Variants in SNX1 observed in about 807,000 individuals in gnomAD.
The protein encoded by SNX1 is sorting nexin 1.
In SNX1, 36 loss-of-function variants were observed where a neutral mutation model predicts 71.8. That is an observed-to-expected ratio of 0.50 (90% CI 0.38 to 0.66). The LOEUF is 0.66. Ranked by LOEUF, SNX1 falls within the 30% of genes least tolerant of loss-of-function variation. SNX1 has a pLI of 0.00. For synonymous variants in SNX1, 254 were observed against 240.7 expected (o/e 1.06, Z -0.51); for missense variants, 612 against 646.7 (o/e 0.95, Z 0.58).
chr15:64,136,126 C>G (rs538387360), intron 12 of SNX1, among the ~76,000 whole-genome samples: 6 of 152,372 alleles, frequency 3.9e-5, no homozygotes, highest in African/African-American at 1.4e-4. Context: ...ACACAGGCAT[C>G]TCTTTTCCAG....
At chr15:64,127,707 A>T in intron 7 of SNX1, 24 bp from the exon 8 acceptor site, 1 of 1,593,192 alleles carries the variant, frequency 6.3e-7, no homozygotes, top group Non-Finnish European at 8.6e-7. Flanking sequence ...TCAACTAACC[A>T]GATGATAACT....
At chr15:64,130,370 A>G (rs1252813221) in intron 10 of SNX1, 49 bp downstream of exon 10, 2 of 1,452,116 alleles carry the variant, frequency 1.4e-6, no homozygotes, top group South Asian at 1.1e-5. Flanking sequence ...TGTTGTCTCT[A>G]GTGAACTGGA....
At chr15:64,096,848 A>G (rs529270634) in intron 1 of SNX1, among the ~76,000 whole-genome samples, 2 of 152,350 alleles carry the variant, frequency 1.3e-5, no homozygotes, top group African/African-American at 4.8e-5. Context: ...TGATGAGGAA[A>G]TGGTGTTTCC....
intron 1 of SNX1, among the ~76,000 whole-genome samples, chr15:64,110,234 A>G (rs2081065274): frequency 1.3e-5 from 2 of 152,356 alleles, no homozygotes; most frequent in South Asian, 4.1e-4. Context: ...AAAAAAGATT[A>G]GGATAGTAAG....
chr15:64,125,071 C>G (rs571067602), intron 5 of SNX1, among the ~76,000 whole-genome samples: 1 of 152,286 alleles, frequency 6.6e-6, no homozygotes, highest in African/African-American at 2.4e-5. Flanking sequence ...ACATTTCATC[C>G]AATTCCCACC....
At chr15:64,097,709 C>T (rs948622759) in intron 1 of SNX1, among the ~76,000 whole-genome samples, 14 of 152,208 alleles carry the variant, frequency 9.2e-5, no homozygotes, top group Admixed American at 9.2e-4. Context: ...ACTCATACCA[C>T]TTGGTATAGG....
rs2081289892 is a variant in SNX1 at position 64,129,948 on chromosome 15, T to C, written c.840T>C (p.Ser280=). The change falls in exon 9 of 15, where the codon AGT becomes AGC. Residue 280 remains serine (S), a synonymous_variant. Coordinates refer to ENST00000559844, the MANE Select transcript of SNX1 (RefSeq NM_003099.5). This position sits in a 1 kb window ranked among gnomAD's most constrained non-coding sequence, Gnocchi z 4.4. The stretch of plus-strand genomic sequence containing the variant: ...GTGCCGTGGGTACCCAGACATTGAG[T>C]GGTGCTGGTCTCCTCAAGATGTTCA... The part of the protein sequence containing the change: ...LPRAVGTQTL[S]GAGLLKMFNK... 1.2e-6 allele frequency: 2 copies of C among 1,613,912 alleles called. No individual in the cohort carries two copies. The highest frequency in any genetic ancestry group is 1.7e-6 in the Non-Finnish European group (2 of 1,180,020).
At chr15:64,133,456 G>A (rs575295617) in intron 11 of SNX1, among the ~76,000 whole-genome samples, 8 of 152,356 alleles carry the variant, frequency 5.3e-5, no homozygotes, top group South Asian at 4.1e-4. Flanking sequence ...AGGTTGGGGC[G>A]TGGTGGCTCA....
At chr15:64,108,027 A>G (rs923308250) in intron 1 of SNX1, among the ~76,000 whole-genome samples, 3 of 152,000 alleles carry the variant, frequency 2.0e-5, no homozygotes, top group African/African-American at 7.2e-5. Flanking sequence ...CCCTGTCTCT[A>G]CTAAAAATAC....
At chr15:64,113,434 T>C (rs1378976117) in intron 2 of SNX1, among the ~76,000 whole-genome samples, 2 of 152,144 alleles carry the variant, frequency 1.3e-5, no homozygotes, top group African/African-American at 4.8e-5. Flanking sequence ...CCATGGATGC[T>C]GCTAAACACT....
chr15:64,114,957 G>A (rs929730377), intron 2 of SNX1, among the ~76,000 whole-genome samples: 3 of 152,180 alleles, frequency 2.0e-5, no homozygotes, highest in East Asian at 1.9e-4. Context: ...CCTGGGCAAC[G>A]TAGCAAAACC....
intron 11 of SNX1, among the ~76,000 whole-genome samples, chr15:64,133,706 G>A (rs1467960252): frequency 3.9e-5 from 6 of 152,242 alleles, no homozygotes; most frequent in African/African-American, 1.4e-4. Context: ...TTGCACTCCA[G>A]CCTGAGTGAC....
Position 64,127,726 on chromosome 15 carries a change from T to G in SNX1, c.732-5T>G. ...CTAACCAGATGATAACTGCTTACCT[T>G]TTAGGTACCTTCAGAGGATTGTAAA... On this transcript the variant is annotated splice_polypyrimidine_tract_variant and splice_region_variant and intron_variant, in intron 7 of 14. Transcript: ENST00000559844. The G allele has an allele frequency of 6.2e-7, 1 of 1,612,382 alleles. No homozygotes were observed. The highest frequency in any genetic ancestry group is 1.1e-5 in the South Asian group (1 of 91,042).
At chr15:64,130,067 C>A in intron 9 of SNX1, 38 bp downstream of exon 9, 1 of 1,538,256 alleles carries the variant, frequency 6.5e-7, no homozygotes, top group South Asian at 1.1e-5. Context: ...ACCTACACCT[C>A]AGGCTTATGG....
At chr15:64,126,594 T>G (rs1024579810) in intron 6 of SNX1, among the ~76,000 whole-genome samples, 6 of 152,106 alleles carry the variant, frequency 3.9e-5, no homozygotes, top group Non-Finnish European at 8.8e-5. Context: ...TGTTTGTTTG[T>G]TTTTGAGGTG....
rs1332473886 is a variant in SNX1 at position 64,096,089 on chromosome 15, G to A, written c.76G>A (p.Glu26Lys). 1 of 1,571,712 alleles carries A rather than the reference G, an allele frequency of 6.4e-7. No individual in the cohort carries two copies. Among genetic ancestry groups the A allele is most frequent in the Non-Finnish European group, 8.6e-7 (1 of 1,161,404 alleles). Residue 26 changes from glutamate (E) to lysine (K), a missense_variant, in exon 1 of 15, where the codon GAG (glutamate) becomes AAG (lysine). Physicochemically the swap from Glu to Lys is moderately conservative, Grantham distance 56. Transcript: ENST00000559844. ...CTTCCCCGGCCTGGAGCCGGAGTCC[G>A]AGGGGGCGGCCGGGGGATCAGAACC... Reference protein sequence around the residue: ...PPFPGLEPESEGAAGGSEPEA... With the variant: ...PPFPGLEPESKGAAGGSEPEA...
At position 64,143,207 on chromosome 15, in the gene SNX1, CTG is replaced by C. The variant is rs1195081209; in HGVS notation, c.*5591_*5592del. ...GTGCGCACATGCCTGGATGTACACT[CTG>C]TCTTTGGAGACACTGGCTAAGATTC... On this transcript the variant is annotated 3_prime_UTR_variant, in exon 15 of 15. Coordinates refer to ENST00000559844, the MANE Select transcript of SNX1 (RefSeq NM_003099.5). 4.6e-5 allele frequency: 7 copies of C among 152,966 alleles called. No individual in the cohort carries two copies. The highest frequency in any genetic ancestry group is 2.6e-4 in the Admixed American group (4 of 15,380). 9.5% of individuals were successfully genotyped at this position (152,966 alleles called of 1,614,324 possible).
chr15:64,136,446 A>C (rs761195096), intron 13 of SNX1, 36 bp downstream of exon 13: 1 of 1,555,126 alleles, frequency 6.4e-7, no homozygotes, highest in Admixed American at 1.7e-5. Context: ...CTTAGCATGC[A>C]GTGCTTGTTT....
chr15:64,131,670 T>A lies in SNX1; in HGVS notation c.1016-17T>A, dbSNP rs532916519. On this transcript the variant is annotated splice_polypyrimidine_tract_variant and intron_variant, in intron 10 of 14. Transcript: ENST00000559844. ...TGTGAGATCAGAGAGGCCTCTGCTG[T>A]CTTTTCCTCCTTCCAGAGCTAGCGC... is the stretch of plus-strand genomic sequence containing the variant. 1 of 1,610,600 alleles carries A rather than the reference T, an allele frequency of 6.2e-7. No individual in the cohort carries two copies. Among genetic ancestry groups the A allele is most frequent in the East Asian group, 2.2e-5 (1 of 44,862 alleles).
Sources: allele counts gnomAD v4.1 joint callset (sites outside exome capture counted in the v4.1 genomes callset), GRCh38; gene constraint gnomAD v4.1.1; non-coding constraint Gnocchi (gnomAD v3.1); transcripts MANE v1.5; gene names NCBI Gene and HGNC (gene_info 2026-07-23, HGNC 2026-07-21).